ZKSCAN1: variants seen among roughly 807,000 people sequenced by gnomAD.
ZKSCAN1 encodes the protein zinc finger protein with KRAB and SCAN domains 1.
Under a neutral mutation model 51.6 loss-of-function variants are expected in ZKSCAN1, and 14 were observed. The ratio of observed to expected loss-of-function variants is 0.27; its 90% CI spans 0.18 to 0.42. The LOEUF is 0.42. Ranked by LOEUF, ZKSCAN1 falls within the 10% of genes least tolerant of loss-of-function variation. ZKSCAN1 has a pLI of 1.00. For missense variants in ZKSCAN1, 531 were observed against 710.0 expected (o/e 0.75, Z 2.86); for synonymous variants, 263 against 261.5 (o/e 1.01, Z -0.06).
intron 1 of ZKSCAN1, among the ~76,000 whole-genome samples, chr7:100,018,087 A>G (rs1790444633): frequency 6.6e-6 from 1 of 152,210 alleles, no homozygotes; most frequent in African/African-American, 2.4e-5. Context: ...CCCATTATAC[A>G]GATGAGGAAA....
downstream of ZKSCAN1, among the ~76,000 whole-genome samples, chr7:100,042,367 C>T (rs1212662515): frequency 6.7e-6 from 1 of 150,304 alleles, no homozygotes; most frequent in African/African-American, 2.4e-5. Context: ...GAGGTTGTGT[C>T]CAGGAGGCAT....
chr7:100,024,958 G>A (rs986892223), intron 3 of ZKSCAN1: 1 of 147,924 alleles, frequency 6.8e-6, no homozygotes, highest in Non-Finnish European at 1.5e-5. Context: ...AAAAAAAGCT[G>A]CATGCTTGTT....
In ZKSCAN1 at chr7:100,038,473, A is replaced by G; in HGVS notation, c.*4276A>G. 1 of 985,482 alleles carries G rather than the reference A, an allele frequency of 1.0e-6. No homozygotes were observed. Among genetic ancestry groups the G allele is most frequent in the African/African-American group, 1.7e-5 (1 of 57,370 alleles). 61.0% of individuals were successfully genotyped at this position (985,482 alleles called of 1,614,324 possible). A position where few individuals can be genotyped will look rare whatever the true frequency, so the allele number is the denominator to read the frequency against. On this transcript the variant is annotated 3_prime_UTR_variant, in exon 6 of 6. Transcript: ENST00000324306. The stretch of plus-strand genomic sequence containing the variant: ...GGCACTGAAATGGAACAACTCCTTT[A>G]AACGTGCAGCCTTTTGAATTTTTCC...
chr7:100,021,009 G>A (rs1334415798), intron 1 of ZKSCAN1, among the ~76,000 whole-genome samples: 11 of 151,800 alleles, frequency 7.2e-5, no homozygotes. Context: ...TAATCAGGTG[G>A]TGGCATTTTA....
At chr7:100,016,527 C>A (rs1372687168) in intron 1 of ZKSCAN1, among the ~76,000 whole-genome samples, 2 of 152,180 alleles carry the variant, frequency 1.3e-5, no homozygotes, top group African/African-American at 4.8e-5. Flanking sequence ...ACGAGACACT[C>A]ACCAAGTCTT....
At position 100,028,046 on chromosome 7, in the gene ZKSCAN1, C is replaced by G. The variant is rs182620001; in HGVS notation, c.581-1815C>G. On this transcript the variant is annotated intron_variant, in intron 3 of 5. Coordinates refer to ENST00000324306, the MANE Select transcript of ZKSCAN1 (RefSeq NM_003439.4). Reference sequence around the variant, plus strand: ...GTTTTCCAGAGTGTTTCCTTACTCTCAGAAGTTTAAAAAATTAAGTACTTG... The same window carrying G: ...GTTTTCCAGAGTGTTTCCTTACTCTGAGAAGTTTAAAAAATTAAGTACTTG... 9.3e-4 allele frequency among the ~76,000 whole-genome samples: 142 copies of G among 152,066 alleles called. 1 individual carries two copies. The highest frequency in any genetic ancestry group is 3.2e-3 in the African/African-American group (131 of 41,464).
At chr7:100,022,434 C>T (rs1446324312) in intron 1 of ZKSCAN1, among the ~76,000 whole-genome samples, 2 of 152,262 alleles carry the variant, frequency 1.3e-5, no homozygotes, top group African/African-American at 4.8e-5. Context: ...AAATGAACAA[C>T]ACCTGTGACA....
At chr7:100,042,800 T>TG (rs1245692798), downstream of ZKSCAN1, among the ~76,000 whole-genome samples, 1 of 148,340 alleles carries the variant, frequency 6.7e-6, no homozygotes, top group Non-Finnish European at 1.5e-5. Flanking sequence ...TTTTTGGGTT[T>TG]TTTTTTTTTT....
intron 1 of ZKSCAN1, among the ~76,000 whole-genome samples, chr7:100,018,074 A>G (rs1162929562): frequency 6.6e-6 from 1 of 152,194 alleles, no homozygotes; most frequent in Non-Finnish European, 1.5e-5. Context: ...GCTGATTTTT[A>G]TTCCCATTAT....
At chr7:100,029,790 G>A in intron 3 of ZKSCAN1, 71 bp from the exon 4 acceptor site, 4 of 1,431,936 alleles carry the variant, frequency 2.8e-6, no homozygotes, top group Non-Finnish European at 3.9e-6. Context: ...GAAGGAACAT[G>A]CCCCGAGCCC....
At position 100,041,564 on chromosome 7, in the gene ZKSCAN1, G is replaced by A. The variant is rs62484984; in HGVS notation, c.*7367G>A. On this transcript the variant is annotated 3_prime_UTR_variant, in exon 6 of 6. Coordinates refer to ENST00000324306, the MANE Select transcript of ZKSCAN1 (RefSeq NM_003439.4). ...TGGTCCATTTTAGGAAGCCAGTGGC[G>A]TCTGATAAAGAAATGTTAAGAGTAG... 35,350 of 985,338 alleles carry A rather than the reference G, an allele frequency of 0.036. 682 individuals are homozygous for A. The highest frequency in any genetic ancestry group is 0.04 in the Non-Finnish European group (33,129 of 829,878). 61.0% of individuals were successfully genotyped at this position (985,338 alleles called of 1,614,324 possible). A position where few individuals can be genotyped will look rare whatever the true frequency, so the allele number is the denominator to read the frequency against.
Position 100,029,880 on chromosome 7 carries a change from T to C in ZKSCAN1, c.600T>C (p.Ile200=), listed in dbSNP as rs749701482. The change falls in exon 4 of 6, where the codon ATT becomes ATC. Residue 200 remains isoleucine, a synonymous_variant. Coordinates refer to ENST00000324306, the MANE Select transcript of ZKSCAN1 (RefSeq NM_003439.4). The part of the protein sequence containing the change: ...LQSRALPAAH[I]PAPPHEGSPR... ...CCCCAGCTCTTCCTGCTGCCCACAT[T>C]CCTGCACCCCCTCATGAGGGTAGTC... 6.2e-7 allele frequency: 1 copy of C among 1,614,082 alleles called. No individual in the cohort carries two copies. The highest frequency in any genetic ancestry group is 8.5e-7 in the Non-Finnish European group (1 of 1,179,978).
At position 100,023,674 on chromosome 7, in the gene ZKSCAN1, C is replaced by T; in HGVS notation, c.168C>T (p.Arg56=). 1 of 1,614,192 alleles carries T rather than the reference C, an allele frequency of 6.2e-7. No homozygotes were observed. Among genetic ancestry groups the T allele is most frequent in the Non-Finnish European group, 8.5e-7 (1 of 1,180,048 alleles). Reference sequence around the variant, plus strand: ...CTCCTCCAGACCCAGAGATATTCCGCCAACGCTTCAGGCGCTTCTGTTACC... The same window carrying T: ...CTCCTCCAGACCCAGAGATATTCCGTCAACGCTTCAGGCGCTTCTGTTACC... ...DTPPPDPEIF[R]QRFRRFCYQN... The change falls in exon 2 of 6, where the codon CGC becomes CGT. Residue 56 remains arginine, a synonymous_variant. Coordinates refer to ENST00000324306, the MANE Select transcript of ZKSCAN1 (RefSeq NM_003439.4).
At chr7:100,023,129 G>C (rs1021110013) in intron 1 of ZKSCAN1, among the ~76,000 whole-genome samples, 3 of 152,118 alleles carry the variant, frequency 2.0e-5, no homozygotes. Flanking sequence ...TCCTGCCTCA[G>C]CTTTCCGAGT....
chr7:100,045,161 A>C (rs1019666956), downstream of ZKSCAN1, among the ~76,000 whole-genome samples: 1 of 151,948 alleles, frequency 6.6e-6, no homozygotes, highest in Admixed American at 6.6e-5. Context: ...TGATCCCGCT[A>C]CTTGGGAGGC....
At position 100,039,875 on chromosome 7, in the gene ZKSCAN1, G is replaced by A. The variant is rs1263433157; in HGVS notation, c.*5678G>A. On this transcript the variant is annotated 3_prime_UTR_variant, in exon 6 of 6. Coordinates refer to ENST00000324306, the MANE Select transcript of ZKSCAN1 (RefSeq NM_003439.4). Reference sequence around the variant, plus strand: ...TAGAATCAGAGAAAAAGAAAAGTCAGTGATATAAATAGATCATTTCATAGA... The same window carrying A: ...TAGAATCAGAGAAAAAGAAAAGTCAATGATATAAATAGATCATTTCATAGA... 3.0e-6 allele frequency: 3 copies of A among 984,828 alleles called. No individual in the cohort carries two copies. In the African/African-American group the frequency reaches 5.2e-5, roughly 17 times the overall value. The allele number at this position is 984,828 out of a possible 1,614,324, so 61.0% of individuals were successfully genotyped here.
chr7:100,034,562 A>C lies in ZKSCAN1; in HGVS notation c.*365A>C. The C allele has an allele frequency of 9.9e-7, 1 of 1,009,668 alleles. No individual in the cohort carries two copies. The highest frequency in any genetic ancestry group is 1.2e-6 in the Non-Finnish European group (1 of 845,668). The allele number at this position is 1,009,668 out of a possible 1,614,324, so 62.5% of individuals were successfully genotyped here. A position where few individuals can be genotyped will look rare whatever the true frequency, so the allele number is the denominator to read the frequency against. ...TTGAAAGATCAAGATTGGCTCCACG[A>C]AAGTGATACGGAGGTTAGGATGCTA... On this transcript the variant is annotated 3_prime_UTR_variant, in exon 6 of 6. Transcript: ENST00000324306.
chr7:100,038,553 G>C lies in ZKSCAN1; in HGVS notation c.*4356G>C, dbSNP rs1177756159. 34 of 985,372 alleles carry C rather than the reference G, an allele frequency of 3.5e-5. No individual in the cohort carries two copies. Among genetic ancestry groups the C allele is most frequent in the Non-Finnish European group, 4.1e-5 (34 of 829,976 alleles). The allele number at this position is 985,372 out of a possible 1,614,324, so 61.0% of individuals were successfully genotyped here. On this transcript the variant is annotated 3_prime_UTR_variant, in exon 6 of 6. Coordinates refer to ENST00000324306, the MANE Select transcript of ZKSCAN1 (RefSeq NM_003439.4). The stretch of plus-strand genomic sequence containing the variant: ...TCAGGTGACCACTGTGTGCAAAGGG[G>C]ATGGATTCTCTTGTCAGTAGACGGT...
rs779425836 is a variant in ZKSCAN1 at position 100,029,935 on chromosome 7, T to C, written c.655T>C (p.Phe219Leu). The C allele has an allele frequency of 1.2e-6, 2 of 1,614,082 alleles. No homozygotes were observed. The highest frequency in any genetic ancestry group is 1.3e-5 in the African/African-American group (1 of 74,940). Residue 219 changes from phenylalanine (F) to leucine (L), a missense_variant, in exon 4 of 6, where the codon TTC (phenylalanine) becomes CTC (leucine). By Grantham distance (22) the Phe-to-Leu change is conservative. Around this residue, in one of 2 missense-constraint regions of ZKSCAN1, gnomAD observed 403 missense variants for 490.5 expected, o/e 0.82. Transcript: ENST00000324306. Reference sequence around the variant, plus strand: ...AGACCAGGCGATGGCATCTGCACTATTCACAGCGGATTCCCAGGTGAGCTG... The same window carrying C: ...AGACCAGGCGATGGCATCTGCACTACTCACAGCGGATTCCCAGGTGAGCTG... ...PRDQAMASAL[F>L]TADSQAMVKI...
Sources: gnomAD v4.1 joint callset for allele counts (sites outside exome capture counted in the v4.1 genomes callset) on GRCh38, gnomAD v4.1.1 for gene constraint, gnomAD v4.1.1 regional missense constraint, MANE v1.5 for transcripts, NCBI Gene and HGNC (gene_info 2026-07-23, HGNC 2026-07-21) for gene names.